The following GULP1 variants were observed in gnomAD, a reference collection of about 807,000 sequenced individuals.
GULP1 encodes the protein PTB domain-containing engulfment adapter protein 1.
In GULP1, 19 loss-of-function variants were observed where a neutral mutation model predicts 40.9. The ratio of observed to expected loss-of-function variants is 0.46; its 90% CI spans 0.32 to 0.68. GULP1 has a LOEUF of 0.68. Ranked by LOEUF, GULP1 falls within the 30% of genes least tolerant of loss-of-function variation. The pLI is 0.03. For missense variants in GULP1, 312 were observed against 362.2 expected (o/e 0.86, Z 1.12); for synonymous variants, 119 against 117.6 (o/e 1.01, Z -0.08).
chr2:188,540,048 C>G (rs1378435261), intron 6 of GULP1, among the ~76,000 whole-genome samples: 1 of 152,018 alleles, frequency 6.6e-6, no homozygotes, highest in Non-Finnish European at 1.5e-5. Context: ...ATTCAGCCAG[C>G]CTTCCTTAGA....
At chr2:188,486,967 G>A (rs2061916127) in intron 4 of GULP1, among the ~76,000 whole-genome samples, 1 of 151,944 alleles carries the variant, frequency 6.6e-6, no homozygotes, top group African/African-American at 2.4e-5. Context: ...GGAGCTAGAG[G>A]AGAAGAGTAC....
chr2:188,345,565 T>C (rs1366713800), intron 1 of GULP1, among the ~76,000 whole-genome samples: 1 of 152,222 alleles, frequency 6.6e-6, no homozygotes, highest in African/African-American at 2.4e-5. Flanking sequence ...GGGTTATTGT[T>C]GCCTGTTGAA....
intron 7 of GULP1, among the ~76,000 whole-genome samples, chr2:188,561,572 G>A (rs1696285030): frequency 6.6e-6 from 1 of 152,144 alleles, no homozygotes; most frequent in African/African-American, 2.4e-5. Context: ...ATGATCCTGG[G>A]CTAAGTCCTG....
chr2:188,536,662 C>T (rs1378382647), intron 6 of GULP1, among the ~76,000 whole-genome samples: 1 of 152,030 alleles, frequency 6.6e-6, no homozygotes. Flanking sequence ...TCTGGCTATT[C>T]AGGCCCTTTT....
intron 1 of GULP1, among the ~76,000 whole-genome samples, chr2:188,366,872 C>T (rs961145929): frequency 6.6e-6 from 1 of 152,142 alleles, no homozygotes; most frequent in Admixed American, 6.5e-5. Flanking sequence ...GGATTACAGG[C>T]GTGAGCCACC....
intron 7 of GULP1, among the ~76,000 whole-genome samples, chr2:188,557,980 C>T (rs1396165671): frequency 6.6e-6 from 1 of 152,098 alleles, no homozygotes; most frequent in African/African-American, 2.4e-5. Context: ...TGAAACCATT[C>T]TTCCCTCCTA....
chr2:188,530,332 TAA>T (rs1199995738), intron 6 of GULP1, among the ~76,000 whole-genome samples: 1 of 152,170 alleles, frequency 6.6e-6, no homozygotes, highest in East Asian at 1.9e-4. Context: ...AGTGTAAACT[TAA>T]GTTTCTTGTA....
At chr2:188,400,706 T>G (rs2052117851) in intron 2 of GULP1, among the ~76,000 whole-genome samples, 1 of 152,046 alleles carries the variant, frequency 6.6e-6, no homozygotes, top group Admixed American at 6.6e-5. Flanking sequence ...CTATAGTAAT[T>G]TAGGTTTGAA....
intron 3 of GULP1, among the ~76,000 whole-genome samples, chr2:188,481,838 T>C (rs2061468025): frequency 3.3e-5 from 5 of 152,016 alleles, no homozygotes; most frequent in Admixed American, 2.0e-4. Flanking sequence ...TTGTTTTGTG[T>C]TTTATTGCCT....
intron 4 of GULP1, among the ~76,000 whole-genome samples, chr2:188,519,490 G>T (rs1304040241): frequency 6.6e-6 from 1 of 152,080 alleles, no homozygotes; most frequent in Non-Finnish European, 1.5e-5. Context: ...CCCCATAAAG[G>T]ATCCATCTTT....
At chr2:188,536,640 G>A (rs1162003893) in intron 6 of GULP1, among the ~76,000 whole-genome samples, 1 of 151,764 alleles carries the variant, frequency 6.6e-6, no homozygotes, top group Non-Finnish European at 1.5e-5. Flanking sequence ...TTATTCTTTT[G>A]GTTAAAATTG....
Position 188,358,597 on chromosome 2 carries a change from G to A in GULP1, c.-171-25166G>A, listed in dbSNP as rs560989090. ...TATACATGTATCATGTATTGAAATAGCACATTGCACCCCATAAATATGTAC... is the reference window on the plus strand; with the variant it reads ...TATACATGTATCATGTATTGAAATAACACATTGCACCCCATAAATATGTAC... On this transcript the variant is annotated intron_variant, in intron 1 of 11. Coordinates refer to ENST00000409830, the MANE Select transcript of GULP1 (RefSeq NM_016315.4). Among the ~76,000 whole-genome samples, 9 of 152,056 alleles carry A rather than the reference G, an allele frequency of 5.9e-5. 1 individual carries two copies. The South Asian group carries it at 1.9e-3, about 32-fold the overall frequency.
chr2:188,524,742 A>G (rs947980635), intron 5 of GULP1, among the ~76,000 whole-genome samples: 6 of 151,660 alleles, frequency 4.0e-5, no homozygotes, highest in Non-Finnish European at 5.9e-5. Flanking sequence ...ACTAAAAAAA[A>G]AGAGAAAAAA....
At position 188,483,451 on chromosome 2, in the gene GULP1, C is replaced by T; in HGVS notation, c.49C>T (p.Pro17Ser). The change falls in exon 4 of 12, where the codon CCT becomes TCT. Residue 17 changes from proline to serine, a missense_variant. Pro to Ser is a moderately conservative substitution (Grantham distance 74, BLOSUM62 -1). Coordinates refer to ENST00000409830, the MANE Select transcript of GULP1 (RefSeq NM_016315.4). ...RKKDKTWMHT[P>S]EALSKHFIPY... is the part of the protein sequence containing the mutation. ...TGCAGACAAAACATGGATGCATACA[C>T]CTGAAGCTTTATCAAAACATTTCAT... The T allele has an allele frequency of 6.5e-7, 1 of 1,530,830 alleles. No homozygotes were observed. The highest frequency in any genetic ancestry group is 2.3e-5 in the East Asian group (1 of 43,850). 94.8% of individuals were successfully genotyped at this position (1,530,830 alleles called of 1,614,324 possible). A position where few individuals can be genotyped will look rare whatever the true frequency, so the allele number is the denominator to read the frequency against.
chr2:188,481,889 G>A (rs1401618302), intron 3 of GULP1, among the ~76,000 whole-genome samples: 1 of 151,846 alleles, frequency 6.6e-6, no homozygotes, highest in Non-Finnish European at 1.5e-5. Flanking sequence ...ATGTATAAAA[G>A]CAAGACTATA....
At chr2:188,454,916 A>G (rs541096488) in intron 2 of GULP1, among the ~76,000 whole-genome samples, 45 of 152,256 alleles carry the variant, frequency 3.0e-4, no homozygotes, top group African/African-American at 1.1e-3. Flanking sequence ...CTTAAAGCTG[A>G]GTTCCAATCC....
chr2:188,447,489 T>C (rs918701120), intron 2 of GULP1, among the ~76,000 whole-genome samples: 50 of 152,146 alleles, frequency 3.3e-4, no homozygotes, highest in African/African-American at 1.2e-3. Context: ...TGATAATGAA[T>C]CTGAGATGGG....
chr2:188,593,997 G>A lies in GULP1; in HGVS notation c.901G>A (p.Asp301Asn). ...EGTVFCLDPL[D>N]SRC ...CACAGTATTTTGTCTCGACCCGTTA[G>A]ACAGTAGGTGCTGACATCAAGAACA... The change falls in exon 12 of 12, where the codon GAC (aspartate) becomes AAC (asparagine). Residue 301 changes from aspartate to asparagine, a missense_variant. By Grantham distance (23) the Asp-to-Asn change is conservative (BLOSUM62 1). Transcript: ENST00000409830. 1 of 1,586,856 alleles carries A rather than the reference G, an allele frequency of 6.3e-7. No individual in the cohort carries two copies. Among genetic ancestry groups the A allele is most frequent in the Non-Finnish European group, 8.7e-7 (1 of 1,156,050 alleles).
chr2:188,448,480 T>G (rs1005538536), intron 2 of GULP1, among the ~76,000 whole-genome samples: 2 of 152,208 alleles, frequency 1.3e-5, no homozygotes, highest in Admixed American at 6.5e-5. Flanking sequence ...TATGGCATTT[T>G]TAATATAGCA....
Sources: gnomAD v4.1 joint callset for allele counts (sites outside exome capture counted in the v4.1 genomes callset) on GRCh38, gnomAD v4.1.1 for gene constraint, MANE v1.5 for transcripts, NCBI Gene and HGNC (gene_info 2026-07-23, HGNC 2026-07-21) for gene names.